ZNF512: variants seen among roughly 807,000 people sequenced by gnomAD.
The protein encoded by ZNF512 is zinc finger protein 512.
Under a neutral mutation model 77.5 loss-of-function variants are expected in ZNF512, and 25 were observed. That is an observed-to-expected ratio of 0.32 (90% CI 0.23 to 0.45). The LOEUF (loss-of-function observed/expected upper bound fraction) is 0.45. Among genes scored for constraint, ZNF512 ranks in the 20% least tolerant of loss-of-function variants. The pLI is 1.00. For synonymous variants in ZNF512, 246 were observed against 239.9 expected (o/e 1.03, Z -0.24); for missense variants, 483 against 692.6 (o/e 0.70, Z 3.40).
chr2:27,616,747 G>A (rs1362638224), intron 12 of ZNF512, among the ~76,000 whole-genome samples: 2 of 152,154 alleles, frequency 1.3e-5, no homozygotes, highest in East Asian at 1.9e-4. Flanking sequence ...CTGGCCTCTC[G>A]GGATGGGAGG....
chr2:27,598,152 T>A lies in ZNF512; in HGVS notation c.175T>A (p.Ser59Thr). ...CTCCTTAAGTGGTTCATCGTCTGCA[T>A]CTTCGTGTGAACCAGTGAGTGATTT... ...DDSLSGSSSA[S>T]SCEPVSDFPA... is the part of the protein sequence containing the mutation. Residue 59 changes from serine to threonine, a missense_variant, in exon 3 of 14, where the codon TCT becomes ACT. This residue lies in a region of ZNF512 where 159 missense variants were observed against 167.5 expected (regional missense o/e 0.95). Coordinates refer to ENST00000355467, the MANE Select transcript of ZNF512 (RefSeq NM_032434.4). 1 of 1,614,150 alleles carries A rather than the reference T, an allele frequency of 6.2e-7. No individual in the cohort carries two copies. The highest frequency in any genetic ancestry group is 8.5e-7 in the Non-Finnish European group (1 of 1,179,984).
chr2:27,609,861 A>G (rs960557055), intron 10 of ZNF512, among the ~76,000 whole-genome samples: 2 of 141,678 alleles, frequency 1.4e-5, no homozygotes, highest in African/African-American at 5.6e-5. Context: ...AAGAGCAGAA[A>G]TCTGTCTCAA....
In ZNF512 at chr2:27,602,577, C is replaced by G. The variant is rs748879326; in HGVS notation, c.768+16C>G. 4 of 1,594,688 alleles carry G rather than the reference C, an allele frequency of 2.5e-6. No individual in the cohort carries two copies. In the South Asian group the frequency reaches 3.4e-5, roughly 14 times the overall value. ...CATGCGTGAGGTAAGGGCCCAAGGA[C>G]AGCAATTCCTTCTGCCTGAATTCTC... On this transcript the variant is annotated intron_variant, in intron 8 of 13. Coordinates refer to ENST00000355467, the MANE Select transcript of ZNF512 (RefSeq NM_032434.4).
rs1672409163 is a variant in ZNF512 at position 27,607,252 on chromosome 2, G to A, written c.937-593G>A. ...CTTGCTGTCTTCTAGAAGTTTTATAGTTTTATGTTTTACATTTAGGGCTAT... is the reference window on the plus strand; with the variant it reads ...CTTGCTGTCTTCTAGAAGTTTTATAATTTTATGTTTTACATTTAGGGCTAT... On this transcript the variant is annotated intron_variant, in intron 9 of 13. Coordinates refer to ENST00000355467, the MANE Select transcript of ZNF512 (RefSeq NM_032434.4). 2.6e-5 allele frequency among the ~76,000 whole-genome samples: 4 copies of A among 151,820 alleles called. No homozygotes were observed. In the South Asian group the frequency reaches 8.3e-4, roughly 32 times the overall value.
At chr2:27,596,944 G>C (rs571794588) in intron 2 of ZNF512, among the ~76,000 whole-genome samples, 1 of 152,278 alleles carries the variant, frequency 6.6e-6, no homozygotes, top group East Asian at 1.9e-4. Context: ...CTTTATGTGT[G>C]GATTTGTTTT....
intron 2 of ZNF512, among the ~76,000 whole-genome samples, chr2:27,596,266 A>G (rs940376253): frequency 6.6e-6 from 1 of 152,204 alleles, no homozygotes; most frequent in African/African-American, 2.4e-5. Flanking sequence ...GGGTCACATT[A>G]GAGTTCAAAT....
At chr2:27,614,395 A>T (rs750488889) in intron 10 of ZNF512, among the ~76,000 whole-genome samples, 2 of 152,250 alleles carry the variant, frequency 1.3e-5, no homozygotes, top group African/African-American at 2.4e-5. Flanking sequence ...TATGTATTCT[A>T]TTCCGTGATT....
At chr2:27,611,713 T>A (rs1485720538) in intron 10 of ZNF512, among the ~76,000 whole-genome samples, 1 of 151,748 alleles carries the variant, frequency 6.6e-6, no homozygotes, top group African/African-American at 2.4e-5. Flanking sequence ...TTTTTTTTTT[T>A]TGGAGACGGA....
intron 2 of ZNF512, among the ~76,000 whole-genome samples, chr2:27,589,556 G>A (rs2148003877): frequency 6.6e-6 from 1 of 152,086 alleles, no homozygotes; most frequent in East Asian, 1.9e-4. Context: ...TTCCCCTATT[G>A]TCTGTTTTCT....
intron 10 of ZNF512, among the ~76,000 whole-genome samples, chr2:27,610,492 G>A (rs1163796035): frequency 2.5e-5 from 3 of 118,224 alleles, no homozygotes; most frequent in Non-Finnish European, 3.3e-5. Flanking sequence ...ATATATATAT[G>A]TGTATATGTG....
chr2:27,594,394 G>A (rs1385128365), intron 2 of ZNF512, among the ~76,000 whole-genome samples: 4 of 145,958 alleles, frequency 2.7e-5, no homozygotes, highest in South Asian at 2.2e-4. Context: ...GCCGGGCAGA[G>A]ACGCTCCTCA....
chr2:27,600,687 G>C lies in ZNF512; in HGVS notation c.458-4G>C. 1 of 1,612,678 alleles carries C rather than the reference G, an allele frequency of 6.2e-7. No individual in the cohort carries two copies. Among genetic ancestry groups the C allele is most frequent in the Non-Finnish European group, 8.5e-7 (1 of 1,179,426 alleles). ...TACAAAGTGTTTCTTTCTCTCCTTT[G>C]TAGGCAGTTTGGAGGAGCAATGGTA... On this transcript the variant is annotated splice_region_variant and splice_polypyrimidine_tract_variant and intron_variant, in intron 5 of 13. Transcript: ENST00000355467.
intron 2 of ZNF512, among the ~76,000 whole-genome samples, chr2:27,594,148 CG>C (rs1176362401): frequency 6.6e-6 from 1 of 151,624 alleles, no homozygotes; most frequent in Admixed American, 6.6e-5. Flanking sequence ...GACAGGGTGG[CG>C]GCCGGGCAGA....
chr2:27,617,738 T>C (rs1000315913), intron 13 of ZNF512, among the ~76,000 whole-genome samples, 167 bp downstream of exon 13: 7 of 152,114 alleles, frequency 4.6e-5, no homozygotes, highest in Non-Finnish European at 1.0e-4. Context: ...TGTATTTTTC[T>C]GTGAAAGTAT....
rs774906176 is a variant in ZNF512 at position 27,600,011 on chromosome 2, C to T, written c.415C>T (p.Gln139Ter). 6.2e-7 allele frequency: 1 copy of T among 1,614,192 alleles called. No homozygotes were observed. Among genetic ancestry groups the T allele is most frequent in the South Asian group, 1.1e-5 (1 of 91,082 alleles). ...TAAAACTCAGCCCAATCCCAAATCC[C>T]AGGCCCGTCGTATTCGGAAGGAACC... is the stretch of plus-strand genomic sequence containing the variant. Reference protein sequence around the residue: ...RPKTQPNPKSQARRIRKEPPV... With the variant: ...RPKTQPNPKS The change falls in exon 5 of 14, where the codon CAG (glutamine) becomes TAG (stop). Residue 139 changes from glutamine to a stop codon, truncating the protein, a stop_gained. Transcript: ENST00000355467. LOFTEE classifies it high-confidence loss of function.
intron 9 of ZNF512, among the ~76,000 whole-genome samples, chr2:27,605,129 T>C (rs1672297588): frequency 6.6e-6 from 1 of 152,170 alleles, no homozygotes; most frequent in African/African-American, 2.4e-5. Context: ...TAGTTTTTGA[T>C]GATTACGAAT....
At chr2:27,607,719 T>C in intron 9 of ZNF512, 126 bp from the exon 10 acceptor site, 8 of 855,758 alleles carry the variant, frequency 9.3e-6, no homozygotes, top group Non-Finnish European at 1.4e-5. Context: ...TGGAACTTGA[T>C]GCTAGTGGTT....
intron 2 of ZNF512, among the ~76,000 whole-genome samples, chr2:27,593,414 C>T (rs929571344): frequency 1.4e-5 from 2 of 146,934 alleles, no homozygotes; most frequent in Non-Finnish European, 3.0e-5. Flanking sequence ...AAAAAAAGTG[C>T]TTTGGACCAG....
chr2:27,590,605 A>T (rs1375799270), intron 2 of ZNF512, among the ~76,000 whole-genome samples: 3 of 152,020 alleles, frequency 2.0e-5, no homozygotes, highest in African/African-American at 4.8e-5. Flanking sequence ...TTCTCTGTTT[A>T]TCCATTGTTT....
Sources: allele counts gnomAD v4.1 joint callset (sites outside exome capture counted in the v4.1 genomes callset), GRCh38; gene constraint gnomAD v4.1.1; regional missense constraint gnomAD v4.1.1; transcripts MANE v1.5; gene names NCBI Gene and HGNC (gene_info 2026-07-23, HGNC 2026-07-21).